Variants in ADAMTSL1 observed in about 807,000 individuals in gnomAD.
The protein encoded by ADAMTSL1 is ADAMTS like 1.
A neutral mutation model predicts 201.8 loss-of-function variants in ADAMTSL1; 126 were observed. That is an observed-to-expected ratio of 0.62 (90% CI 0.54 to 0.72). The LOEUF is 0.72. Among genes scored for constraint, ADAMTSL1 ranks in the 30% least tolerant of loss-of-function variants. The pLI, the probability that ADAMTSL1 is intolerant of heterozygous loss-of-function variation, is 0.00. For synonymous variants in ADAMTSL1, 1,121 were observed against 903.4 expected (o/e 1.24, Z -4.32); for missense variants, 2,679 against 2,277.8 (o/e 1.18, Z -3.59).
intron 1 of ADAMTSL1, among the ~76,000 whole-genome samples, chr9:17,958,478 G>T (rs948757796): frequency 6.6e-6 from 1 of 152,120 alleles, no homozygotes. Flanking sequence ...TTTGTGGAGT[G>T]CTAATAATGT....
At chr9:18,832,582 A>G (rs1563839621) in intron 23 of ADAMTSL1, among the ~76,000 whole-genome samples, 8 of 152,172 alleles carry the variant, frequency 5.3e-5, no homozygotes. Flanking sequence ...AGGATAACAG[A>G]ATTCTAGACC....
At chr9:18,503,610 A>G (rs1053639071) in intron 1 of ADAMTSL1, among the ~76,000 whole-genome samples, 1 of 151,926 alleles carries the variant, frequency 6.6e-6, no homozygotes, top group African/African-American at 2.4e-5. Flanking sequence ...AGCATATGAG[A>G]TTGTGTAGGT....
chr9:18,196,875 C>G (rs559686125), intron 2 of ADAMTSL1, among the ~76,000 whole-genome samples: 2 of 152,116 alleles, frequency 1.3e-5, no homozygotes, highest in African/African-American at 4.8e-5. Flanking sequence ...TTCTTCATGC[C>G]CTCAGGCTTC....
intron 15 of ADAMTSL1, 39 bp downstream of exon 15, chr9:18,721,704 G>C (rs374492871): frequency 6.2e-7 from 1 of 1,604,560 alleles, no homozygotes; most frequent in Non-Finnish European, 8.5e-7. Context: ...CCAGGGGCAC[G>C]TACAGAACTG....
intron 16 of ADAMTSL1, among the ~76,000 whole-genome samples, chr9:18,768,517 A>AT (rs1407430694): frequency 7.9e-6 from 1 of 126,094 alleles, no homozygotes; most frequent in Non-Finnish European, 1.7e-5. Context: ...GTCATTTCAC[A>AT]TTTTTTGTTA....
chr9:18,294,299 T>A (rs990834159), intron 2 of ADAMTSL1, among the ~76,000 whole-genome samples: 1 of 152,220 alleles, frequency 6.6e-6, no homozygotes, highest in Non-Finnish European at 1.5e-5. Flanking sequence ...TCCTCTAATA[T>A]TGGAAACAGA....
At chr9:18,238,927 C>A (rs1830952005) in intron 2 of ADAMTSL1, among the ~76,000 whole-genome samples, 1 of 152,190 alleles carries the variant, frequency 6.6e-6, no homozygotes, top group Non-Finnish European at 1.5e-5. Flanking sequence ...ACCATTGCAA[C>A]AAAGTTAATA....
At chr9:18,476,318 G>C (rs1452557321) in intron 1 of ADAMTSL1, among the ~76,000 whole-genome samples, 1 of 152,086 alleles carries the variant, frequency 6.6e-6, no homozygotes, top group African/African-American at 2.4e-5. Context: ...AAATAAGCTT[G>C]CATTTGAACC....
chr9:18,762,090 C>G (rs1158956004), intron 16 of ADAMTSL1, among the ~76,000 whole-genome samples: 3 of 152,224 alleles, frequency 2.0e-5, no homozygotes, highest in African/African-American at 4.8e-5. Context: ...ATCAATTCAA[C>G]AAACATTTAT....
At chr9:18,825,105 C>G (rs62549130) in intron 21 of ADAMTSL1, among the ~76,000 whole-genome samples, 9,087 of 152,086 alleles carry the variant, frequency 0.06, 317 homozygotes, top group East Asian at 0.17. Flanking sequence ...GCTTTCTGCT[C>G]CCTAGAGACC....
At chr9:18,000,857 A>T (rs1199357297) in intron 1 of ADAMTSL1, among the ~76,000 whole-genome samples, 2 of 152,046 alleles carry the variant, frequency 1.3e-5, no homozygotes, top group Non-Finnish European at 2.9e-5. Context: ...CTTCTGGGGT[A>T]AAACAACTTT....
At chr9:18,782,087 C>A (rs537016726) in intron 19 of ADAMTSL1, among the ~76,000 whole-genome samples, 17 of 152,152 alleles carry the variant, frequency 1.1e-4, no homozygotes, top group Non-Finnish European at 1.5e-4. Context: ...TTCCTTTTTC[C>A]TTTATTCTGC....
chr9:18,680,285 C>T (rs746661488), intron 10 of ADAMTSL1, 27 bp from the exon 11 acceptor site: 1 of 1,608,526 alleles, frequency 6.2e-7, no homozygotes, highest in South Asian at 1.1e-5. Context: ...TGCATGTCTG[C>T]CCTGATGACT....
intron 3 of ADAMTSL1, among the ~76,000 whole-genome samples, chr9:18,563,324 G>A (rs1246981833): frequency 3.3e-5 from 5 of 152,182 alleles, no homozygotes; most frequent in South Asian, 2.1e-4. Flanking sequence ...CTGTTTACCT[G>A]GGTATCGGCA....
intron 1 of ADAMTSL1, among the ~76,000 whole-genome samples, chr9:17,934,535 C>G (rs57043918): frequency 6.6e-6 from 1 of 152,258 alleles, no homozygotes; most frequent in East Asian, 1.9e-4. Context: ...TGACCACTGT[C>G]CTCAAGTGGG....
At chr9:18,656,628 C>CAAAAAAAAAAA (rs34965386) in intron 7 of ADAMTSL1, among the ~76,000 whole-genome samples, 4 of 75,362 alleles carry the variant, frequency 5.3e-5, no homozygotes, top group Non-Finnish European at 5.2e-5. Flanking sequence ...GACTCCATCG[C>CAAAAAAAAAAA]AAAAAAAAAA....
intron 15 of ADAMTSL1, among the ~76,000 whole-genome samples, chr9:18,722,269 G>T (rs933410574): frequency 1.7e-4 from 26 of 152,086 alleles, no homozygotes; most frequent in African/African-American, 6.3e-4. Flanking sequence ...CACTGCTTCA[G>T]TCCCTACAAT....
chr9:18,417,882 G>C (rs1041801675), intron 2 of ADAMTSL1, among the ~76,000 whole-genome samples: 1 of 152,098 alleles, frequency 6.6e-6, no homozygotes, highest in African/African-American at 2.4e-5. Context: ...TATAAAGCCA[G>C]AATGAGGCTG....
intron 1 of ADAMTSL1, among the ~76,000 whole-genome samples, chr9:17,929,723 C>A (rs1826701875): frequency 6.6e-6 from 1 of 152,206 alleles, no homozygotes; most frequent in African/African-American, 2.4e-5. Context: ...GTCTGGCCTG[C>A]AGCTTAAGTA....
Sources: allele counts gnomAD v4.1 joint callset (sites outside exome capture counted in the v4.1 genomes callset), GRCh38; gene constraint gnomAD v4.1.1; transcripts MANE v1.5; gene names NCBI Gene and HGNC (gene_info 2026-07-23, HGNC 2026-07-21).